DLD: variants seen among roughly 807,000 people sequenced by gnomAD.
DLD encodes the protein dihydrolipoyl dehydrogenase, mitochondrial.
DLD carries 36 observed loss-of-function variants against 62.2 expected under a neutral mutation model. The ratio of observed to expected loss-of-function variants is 0.58; its 90% CI spans 0.44 to 0.76. The LOEUF is 0.76. Among genes scored for constraint, DLD ranks in the 30% least tolerant of loss-of-function variants. The probability of loss-of-function intolerance (pLI) is 0.00; values close to 1 mark genes in which losing one functional copy is unlikely to be tolerated. For synonymous variants in DLD, 204 were observed against 199.6 expected (o/e 1.02, Z -0.19); for missense variants, 541 against 608.6 (o/e 0.89, Z 1.17).
intron 3 of DLD, 95 bp from the exon 4 acceptor site, chr7:107,902,230 T>C: frequency 9.3e-7 from 1 of 1,079,912 alleles, no homozygotes; most frequent in Non-Finnish European, 1.4e-6. Context: ...CCCGAATAGC[T>C]TGTTTTGTAG....
At chr7:107,909,620 C>T (rs1048255106) in intron 8 of DLD, among the ~76,000 whole-genome samples, 4 of 152,092 alleles carry the variant, frequency 2.6e-5, no homozygotes, top group African/African-American at 9.7e-5. Context: ...TTTATGTGAC[C>T]TGTTTGGAAC....
chr7:107,908,351 A>G (rs985546136), intron 8 of DLD, among the ~76,000 whole-genome samples: 2 of 151,738 alleles, frequency 1.3e-5, no homozygotes, highest in Admixed American at 6.6e-5. Context: ...GGGTTTCACC[A>G]TATTGGTCAG....
intron 5 of DLD, 187 bp from the exon 6 acceptor site, chr7:107,904,771 G>A (rs2031962513): frequency 1.5e-6 from 1 of 661,240 alleles, no homozygotes; most frequent in African/African-American, 1.8e-5. Flanking sequence ...GTGTTTGATA[G>A]GTTCTGTTTC....
rs1421164770 is a variant in DLD at position 107,906,268 on chromosome 7, T to C, written c.584T>C (p.Ile195Thr). Reference sequence around the variant, plus strand: ...TTATATCTTTTGTTTTTCTTACAGATAGATGAAGATACAATAGTGTCATCT... The same window carrying C: ...TTATATCTTTTGTTTTTCTTACAGACAGATGAAGATACAATAGTGTCATCT... ...SEVTPFPGIT[I>T]DEDTIVSSTG... The change falls in exon 8 of 14, where the codon ATA becomes ACA. Residue 195 changes from isoleucine (I) to threonine (T), a missense_variant and splice_region_variant. Coordinates refer to ENST00000205402, the MANE Select transcript of DLD (RefSeq NM_000108.5). The C allele has an allele frequency of 5.8e-6, 9 of 1,543,668 alleles. No individual in the cohort carries two copies. The highest frequency in any genetic ancestry group is 8.1e-6 in the Non-Finnish European group (9 of 1,116,322).
Position 107,891,205 on chromosome 7 carries a change from C to G in DLD, c.-46C>G. The G allele has an allele frequency of 6.2e-7, 1 of 1,612,402 alleles. No individual in the cohort carries two copies. ...GACCTTGGCGGAGCGGCGGAGGCGC[C>G]CAGCGGAGGTGAAAGTATTGGCGGA... On this transcript the variant is annotated 5_prime_UTR_variant, in exon 1 of 14. Coordinates refer to ENST00000205402, the MANE Select transcript of DLD (RefSeq NM_000108.5).
intron 6 of DLD, 130 bp from the exon 7 acceptor site, chr7:107,905,231 T>C: frequency 9.2e-7 from 1 of 1,083,892 alleles, no homozygotes; most frequent in East Asian, 2.6e-5. Context: ...TGCTGCACCA[T>C]GGTGTAGCAT....
chr7:107,919,001 ATT>A lies in DLD; in HGVS notation c.1375-6_1375-5del. The A allele has an allele frequency of 1.2e-6, 2 of 1,613,320 alleles. No homozygotes were observed. The highest frequency in any genetic ancestry group is 1.7e-6 in the Non-Finnish European group (2 of 1,179,362). ...TGGAAGCAAATTTACTTGGCTTGTT[ATT>A]TTAAAGGGTGCTGGAGAAATGGTAA... On this transcript the variant is annotated splice_region_variant and splice_polypyrimidine_tract_variant and intron_variant, in intron 12 of 13. Coordinates refer to ENST00000205402, the MANE Select transcript of DLD (RefSeq NM_000108.5).
At chr7:107,910,737 A>G (rs1229904531) in intron 8 of DLD, among the ~76,000 whole-genome samples, 3 of 152,238 alleles carry the variant, frequency 2.0e-5, no homozygotes. Context: ...CATTTAAAAC[A>G]CTTAATGCAG....
chr7:107,916,789 T>A lies in DLD; in HGVS notation c.876-5T>A. 1 of 1,613,102 alleles carries A rather than the reference T, an allele frequency of 6.2e-7. No homozygotes were observed. The highest frequency in any genetic ancestry group is 8.5e-7 in the Non-Finnish European group (1 of 1,179,682). Reference sequence around the variant, plus strand: ...TTTAACATTTATACACTGTTTGTTATCTAGTATTGAAGCTGCTTCTGGTGG... The same window carrying A: ...TTTAACATTTATACACTGTTTGTTAACTAGTATTGAAGCTGCTTCTGGTGG... On this transcript the variant is annotated splice_region_variant and splice_polypyrimidine_tract_variant and intron_variant, in intron 9 of 13. Transcript: ENST00000205402.
intron 4 of DLD, 87 bp from the exon 5 acceptor site, chr7:107,903,387 AAAAG>A (rs2031925846): frequency 2.3e-6 from 2 of 868,976 alleles, no homozygotes; most frequent in African/African-American, 1.7e-5. Flanking sequence ...TCAAAAAATG[AAAAG>A]AAAGACTATC....
intron 8 of DLD, 89 bp from the exon 9 acceptor site, chr7:107,915,417 A>T: frequency 7.0e-7 from 1 of 1,432,080 alleles, no homozygotes; most frequent in East Asian, 2.3e-5. Flanking sequence ...GAAAGAAGAA[A>T]ATGTTTTACA....
Position 107,917,376 on chromosome 7 carries a change from A to G in DLD, c.1150A>G (p.Ile384Val), listed in dbSNP as rs754279159. Residue 384 changes from isoleucine (I) to valine (V), a missense_variant, in exon 11 of 14, where the codon ATT becomes GTT. Ile to Val is a conservative substitution (Grantham distance 29). Transcript: ENST00000205402. ...AGGAATGGCTGGTGGTGCTGTGCAC[A>G]TTGACTACAATTGTGTGCCATCAGT... is the stretch of plus-strand genomic sequence containing the variant. ...VEGMAGGAVHIDYNCVPSVIY... is the reference protein window; with the variant it reads ...VEGMAGGAVHVDYNCVPSVIY... 1 of 1,614,172 alleles carries G rather than the reference A, an allele frequency of 6.2e-7. No homozygotes were observed. Among genetic ancestry groups the G allele is most frequent in the East Asian group, 2.2e-5 (1 of 44,880 alleles).
intron 2 of DLD, among the ~76,000 whole-genome samples, chr7:107,900,585 T>C (rs2031853299): frequency 6.6e-6 from 1 of 152,100 alleles, no homozygotes; most frequent in South Asian, 2.1e-4. Flanking sequence ...TTTTAGTTTA[T>C]GATGGTTAAA....
At chr7:107,898,161 T>A (rs1433708738) in intron 2 of DLD, among the ~76,000 whole-genome samples, 1 of 152,110 alleles carries the variant, frequency 6.6e-6, no homozygotes, top group African/African-American at 2.4e-5. Context: ...TAAAGGACCT[T>A]GTTTGAATCA....
At chr7:107,917,502 T>C in intron 11 of DLD, 40 bp downstream of exon 11, 6 of 1,586,150 alleles carry the variant, frequency 3.8e-6, no homozygotes, top group Non-Finnish European at 5.2e-6. Context: ...AATGTGTGAG[T>C]TGTGCCAATG....
rs139767397 is a variant in DLD, at chr7:107,919,550, GC to G, written c.*295del. 1,449 of 245,562 alleles carry G rather than the reference GC, an allele frequency of 5.9e-3. 17 individuals are homozygous for G. The highest frequency in any genetic ancestry group is 0.031 in the African/African-American group (1,356 of 43,782). 15.2% of individuals were successfully genotyped at this position (245,562 alleles called of 1,614,324 possible). On this transcript the variant is annotated 3_prime_UTR_variant, in exon 14 of 14. Transcript: ENST00000205402. ...TCATGCTGTTCATGAAAGATTCAATGCCCCTGAATTTAAATAGCTTTTTTCT... is the reference window on the plus strand; with the variant it reads ...TCATGCTGTTCATGAAAGATTCAATGCCCTGAATTTAAATAGCTTTTTTCT...
intron 12 of DLD, 95 bp downstream of exon 12, chr7:107,918,156 T>C (rs1391628410): frequency 1.4e-6 from 2 of 1,446,084 alleles, no homozygotes. Flanking sequence ...CTGAGGTTGC[T>C]CATTTCCAGC....
chr7:107,906,228 T>A, intron 7 of DLD, 39 bp from the exon 8 acceptor site: 1 of 1,369,982 alleles, frequency 7.3e-7, no homozygotes, highest in Non-Finnish European at 1.0e-6. Flanking sequence ...ACTAGGTTTT[T>A]TCAAATTATT....
chr7:107,919,477 A>G lies in DLD; in HGVS notation c.*218A>G. 2.3e-6 allele frequency: 1 copy of G among 434,004 alleles called. No individual in the cohort carries two copies. 26.9% of individuals were successfully genotyped at this position (434,004 alleles called of 1,614,324 possible). A position where few individuals can be genotyped will look rare whatever the true frequency, so the allele number is the denominator to read the frequency against. On this transcript the variant is annotated 3_prime_UTR_variant, in exon 14 of 14. Coordinates refer to ENST00000205402, the MANE Select transcript of DLD (RefSeq NM_000108.5). The stretch of plus-strand genomic sequence containing the variant: ...TTCAGTGCACTAATGTGTAAGACAA[A>G]AAGCTACTTATTGTAGCATCCTGGA...
Sources: gnomAD v4.1 joint callset for allele counts (sites outside exome capture counted in the v4.1 genomes callset) on GRCh38, gnomAD v4.1.1 for gene constraint, MANE v1.5 for transcripts, NCBI Gene and HGNC (gene_info 2026-07-23, HGNC 2026-07-21) for gene names.